The following LMBRD1 variants were observed in gnomAD, a reference collection of about 807,000 sequenced individuals.
LMBRD1 encodes the protein lysosomal cobalamin transport escort protein LMBD1.
In LMBRD1, 64 loss-of-function variants were observed where a neutral mutation model predicts 74.8. The ratio of observed to expected loss-of-function variants is 0.86; its 90% CI spans 0.70 to 1.05. The LOEUF is 1.05. Ranked by LOEUF, LMBRD1 falls within the 50% of genes least tolerant of loss-of-function variation. The pLI is 0.00. For missense variants in LMBRD1, 652 were observed against 645.9 expected (o/e 1.01, Z -0.10); for synonymous variants, 204 against 216.3 (o/e 0.94, Z 0.50).
chr6:69,697,763 A>G (rs1766038101), intron 13 of LMBRD1, 122 bp from the exon 14 acceptor site: 1 of 605,792 alleles, frequency 1.7e-6, no homozygotes, highest in African/African-American at 1.9e-5. Flanking sequence ...ACATTCCAAA[A>G]TGTAAATTTT....
intron 1 of LMBRD1, among the ~76,000 whole-genome samples, chr6:69,793,718 CTTTT>C (rs34341228): frequency 3.3e-3 from 319 of 96,042 alleles, no homozygotes; most frequent in Non-Finnish European, 5.0e-3. Context: ...TGTCCTGAAT[CTTTT>C]TTTTTTTTTT....
At chr6:69,790,783 T>C (rs1421835599) in intron 1 of LMBRD1, 2 of 359,818 alleles carry the variant, frequency 5.6e-6, no homozygotes, top group African/African-American at 4.2e-5. Context: ...TAGCTTTGAA[T>C]ATTTTTTTCC....
At position 69,701,915 on chromosome 6, in the gene LMBRD1, C is replaced by T. The variant is rs1766140820; in HGVS notation, c.954G>A (p.Leu318=). The change falls in exon 10 of 16, where the codon CTG becomes CTA. Residue 318 remains leucine, a synonymous_variant. Transcript: ENST00000649934. Reference sequence around the variant, plus strand: ...TTGACAAGAAGAGAGAAATTACAAACAGCAATGCAACTAAGATGAAAAATA... The same window carrying T: ...TTGACAAGAAGAGAGAAATTACAAATAGCAATGCAACTAAGATGAAAAATA... ...WGIFFILVAL[L]FVISLFLSNL... is the part of the protein sequence containing the mutation. The T allele has an allele frequency of 1.2e-6, 2 of 1,601,012 alleles. No individual in the cohort carries two copies. Among genetic ancestry groups the T allele is most frequent in the African/African-American group, 2.7e-5 (2 of 74,608 alleles).
chr6:69,764,374 C>T (rs796693567), intron 3 of LMBRD1, among the ~76,000 whole-genome samples: 59 of 151,958 alleles, frequency 3.9e-4, no homozygotes, highest in African/African-American at 1.3e-3. Flanking sequence ...GAGGACACTG[C>T]GAGAAGGCAG....
chr6:69,686,786 G>T (rs1197659024), intron 14 of LMBRD1, among the ~76,000 whole-genome samples: 1 of 152,228 alleles, frequency 6.6e-6, no homozygotes, highest in East Asian at 1.9e-4. Flanking sequence ...ATTATGATCT[G>T]TATCACAGGT....
At chr6:69,739,536 AG>A (rs1187924145) in intron 6 of LMBRD1, among the ~76,000 whole-genome samples, 16 of 150,326 alleles carry the variant, frequency 1.1e-4, no homozygotes, top group Admixed American at 3.3e-4. Context: ...ATTTCATGAA[AG>A]ATGCCAGGTA....
intron 3 of LMBRD1, among the ~76,000 whole-genome samples, chr6:69,760,724 C>T (rs1433558526): frequency 6.6e-6 from 1 of 152,098 alleles, no homozygotes; most frequent in African/African-American, 2.4e-5. Context: ...ATTGGGATGT[C>T]ATTTCTGAGA....
chr6:69,683,637 T>C (rs1413936215), intron 14 of LMBRD1, among the ~76,000 whole-genome samples: 3 of 151,890 alleles, frequency 2.0e-5, no homozygotes, highest in African/African-American at 7.3e-5. Context: ...TAGAAATGTA[T>C]AGTATTTAAC....
intron 14 of LMBRD1, among the ~76,000 whole-genome samples, chr6:69,687,645 C>T (rs942025603): frequency 2.6e-5 from 4 of 152,062 alleles, no homozygotes; most frequent in African/African-American, 9.7e-5. Context: ...TCAATATATT[C>T]GAAAGGTGAC....
chr6:69,686,260 C>T (rs1765761952), intron 14 of LMBRD1, among the ~76,000 whole-genome samples: 1 of 152,132 alleles, frequency 6.6e-6, no homozygotes, highest in South Asian at 2.1e-4. Flanking sequence ...GTTTAGAGTT[C>T]CCCATACATA....
At chr6:69,759,807 T>TCAAATTATCTTTAAAAAATTTCTTA (rs1765339899) in intron 3 of LMBRD1, among the ~76,000 whole-genome samples, 1 of 152,178 alleles carries the variant, frequency 6.6e-6, no homozygotes, top group African/African-American at 2.4e-5. Flanking sequence ...TATGTACTAC[T>TCAAATTATCTTTAAAAAATTTCTTA]CAAATTATCT....
intron 14 of LMBRD1, among the ~76,000 whole-genome samples, chr6:69,680,940 C>T (rs1476021785): frequency 6.6e-6 from 1 of 151,936 alleles, no homozygotes; most frequent in Non-Finnish European, 1.5e-5. Context: ...AATTATCCAA[C>T]TAAGAAAATC....
chr6:69,705,435 T>A lies in LMBRD1; in HGVS notation c.916-3482A>T, dbSNP rs3757059. On this transcript the variant is annotated intron_variant, in intron 9 of 15. Transcript: ENST00000649934. Reference sequence around the variant, plus strand: ...ACTTGCTTGCATTTTTGCTTTAATGTCTTCTACAGAACTAGGTCCTTTTGG... The same window carrying A: ...ACTTGCTTGCATTTTTGCTTTAATGACTTCTACAGAACTAGGTCCTTTTGG... 6.9e-6 allele frequency: 9 copies of A among 1,302,902 alleles called. 2 individuals are homozygous for A. The South Asian group carries it at 1.1e-4, about 15-fold the overall frequency. 80.7% of individuals were successfully genotyped at this position (1,302,902 alleles called of 1,614,324 possible).
intron 7 of LMBRD1, among the ~76,000 whole-genome samples, chr6:69,736,885 T>C (rs1290923053): frequency 1.3e-5 from 2 of 152,204 alleles, no homozygotes; most frequent in African/African-American, 4.8e-5. Flanking sequence ...CTGTACATTC[T>C]GTGAGATAGA....
At chr6:69,705,773 C>T (rs2149847903) in intron 9 of LMBRD1, 3 of 1,191,280 alleles carry the variant, frequency 2.5e-6, no homozygotes, top group Admixed American at 3.4e-5. Flanking sequence ...TCACATCCTC[C>T]TCCTCTTCAT....
At chr6:69,760,129 T>C (rs1286224022) in intron 3 of LMBRD1, among the ~76,000 whole-genome samples, 2 of 152,186 alleles carry the variant, frequency 1.3e-5, no homozygotes, top group African/African-American at 2.4e-5. Context: ...TTATGATCTA[T>C]CCGTTTGACT....
chr6:69,676,178 G>T lies in LMBRD1; in HGVS notation c.1603C>A (p.Pro535Thr). The T allele has an allele frequency of 6.2e-7, 1 of 1,612,852 alleles. No homozygotes were observed. Among genetic ancestry groups the T allele is most frequent in the African/African-American group, 1.3e-5 (1 of 74,968 alleles). Residue 535 changes from proline to threonine, a missense_variant, in exon 16 of 16, where the codon CCC (proline) becomes ACC (threonine). Physicochemically the swap from Pro to Thr is conservative, Grantham distance 38. Around this residue, in one of 3 missense-constraint regions of LMBRD1, gnomAD observed 51 missense variants for 46.9 expected, o/e 1.09. Coordinates refer to ENST00000649934, the MANE Select transcript of LMBRD1 (RefSeq NM_018368.4). ...GGCTGTCAAGCAGAATAGACAGAGG[G>T]CTCATCATCACTTATGTCTGAATCT... ...DEDSDISDDE[P>T]SVYSA
intron 2 of LMBRD1, among the ~76,000 whole-genome samples, chr6:69,787,876 A>AT (rs982657461): frequency 1.3e-5 from 2 of 152,042 alleles, no homozygotes; most frequent in African/African-American, 2.4e-5. Flanking sequence ...CTACAGCCAT[A>AT]TTTTTTTTCT....
intron 7 of LMBRD1, among the ~76,000 whole-genome samples, chr6:69,729,667 T>C (rs1017971521): frequency 6.6e-6 from 1 of 152,042 alleles, no homozygotes; most frequent in African/African-American, 2.4e-5. Context: ...TAGCTTAATT[T>C]AAAATATTTT....
Sources: gnomAD v4.1 joint callset for allele counts (sites outside exome capture counted in the v4.1 genomes callset) on GRCh38, gnomAD v4.1.1 for gene constraint, gnomAD v4.1.1 regional missense constraint, MANE v1.5 for transcripts, NCBI Gene and HGNC (gene_info 2026-07-23, HGNC 2026-07-21) for gene names.